The following CSNK2A2IP variants were observed in gnomAD, a reference collection of about 807,000 sequenced individuals.
The protein encoded by CSNK2A2IP is casein kinase 2 subunit alpha' interacting protein, also known as casein kinase II subunit alpha'-interacting protein.
At chr3:88,359,033 C>G in the CSNK2A2IP span, among the ~76,000 whole-genome samples, 1 of 149,020 alleles carries the variant, frequency 6.7e-6, no homozygotes, top group Admixed American at 6.7e-5. Flanking sequence ...TACACTTACG[C>G]GTGCTCTTTT....
At chr3:88,466,650 G>T in the CSNK2A2IP span, 947,754 of 1,224,450 alleles carry the variant, frequency 0.77, 371,274 homozygotes, top group East Asian at 0.94. Flanking sequence ...CTGATGATGT[G>T]GTAAATAAAA....
chr3:88,368,324 A>G, the CSNK2A2IP span, among the ~76,000 whole-genome samples: 1 of 152,030 alleles, frequency 6.6e-6, no homozygotes, highest in South Asian at 2.1e-4. Flanking sequence ...GGAAAATTGA[A>G]GTTATATAAT....
chr3:88,360,817 TGG>T, the CSNK2A2IP span, among the ~76,000 whole-genome samples: 33 of 151,546 alleles, frequency 2.2e-4, no homozygotes, highest in Non-Finnish European at 4.1e-4. Context: ...TTTAATTTTT[TGG>T]TTTTTTTTAT....
chr3:88,391,131 C>T, the CSNK2A2IP span, among the ~76,000 whole-genome samples: 1 of 151,952 alleles, frequency 6.6e-6, no homozygotes, highest in African/African-American at 2.4e-5. Flanking sequence ...AGTGAAGAGC[C>T]TATGTTTATG....
At chr3:88,342,796 G>T in the CSNK2A2IP span, among the ~76,000 whole-genome samples, 25 of 151,668 alleles carry the variant, frequency 1.6e-4, no homozygotes, top group East Asian at 3.7e-3. Flanking sequence ...TACTTTTGTA[G>T]GTTGATAATT....
At chr3:88,436,073 G>A in the CSNK2A2IP span, among the ~76,000 whole-genome samples, 2 of 151,932 alleles carry the variant, frequency 1.3e-5, no homozygotes, top group East Asian at 1.9e-4. Flanking sequence ...CAGTCATAAT[G>A]CAAGAGAAGG....
chr3:88,425,068 A>G, the CSNK2A2IP span, among the ~76,000 whole-genome samples: 1 of 152,078 alleles, frequency 6.6e-6, no homozygotes, highest in African/African-American at 2.4e-5. Flanking sequence ...ATCATTTTAG[A>G]AATGTTACTC....
the CSNK2A2IP span, among the ~76,000 whole-genome samples, chr3:88,412,492 A>G: frequency 6.6e-6 from 1 of 151,936 alleles, no homozygotes; most frequent in South Asian, 2.1e-4. Flanking sequence ...CCTGTTTTGT[A>G]ATAAGTTTCA....
At chr3:88,350,587 A>G in the CSNK2A2IP span, among the ~76,000 whole-genome samples, 1 of 98,590 alleles carries the variant, frequency 1.0e-5, no homozygotes, top group South Asian at 5.5e-4. Context: ...AATACACTAA[A>G]TTCAAAGATG....
At chr3:88,435,669 A>G in the CSNK2A2IP span, among the ~76,000 whole-genome samples, 1 of 152,130 alleles carries the variant, frequency 6.6e-6, no homozygotes, top group African/African-American at 2.4e-5. Flanking sequence ...ATACTAACTG[A>G]ACATTCTAAT....
the CSNK2A2IP span, among the ~76,000 whole-genome samples, chr3:88,362,257 G>T: frequency 3.3e-5 from 5 of 152,194 alleles, no homozygotes; most frequent in South Asian, 6.2e-4. Context: ...AGCTTTCAGA[G>T]AATTTAATAA....
At chr3:88,364,293 C>A in the CSNK2A2IP span, among the ~76,000 whole-genome samples, 1 of 151,260 alleles carries the variant, frequency 6.6e-6, no homozygotes, top group Non-Finnish European at 1.5e-5. Flanking sequence ...TTTTGGAGGG[C>A]GTATTGCTTC....
the CSNK2A2IP span, chr3:88,399,496 A>G: frequency 1.3e-5 from 2 of 152,232 alleles, no homozygotes; most frequent in African/African-American, 4.8e-5. Context: ...TTTTATGTCA[A>G]TCTTTCATTC....
chr3:88,453,613 T>G, the CSNK2A2IP span, among the ~76,000 whole-genome samples: 1 of 152,220 alleles, frequency 6.6e-6, no homozygotes, highest in South Asian at 2.1e-4. Context: ...GTTTTGATGG[T>G]TTATTGAGAA....
chr3:88,422,841 T>C, the CSNK2A2IP span, among the ~76,000 whole-genome samples: 1 of 152,228 alleles, frequency 6.6e-6, no homozygotes, highest in Non-Finnish European at 1.5e-5. Flanking sequence ...TCTTCATCTT[T>C]TAATCTTATT....
chr3:88,401,365 T>C, the CSNK2A2IP span, among the ~76,000 whole-genome samples: 1 of 152,122 alleles, frequency 6.6e-6, no homozygotes, highest in African/African-American at 2.4e-5. Context: ...TAACCTATGA[T>C]TATTTGAATA....
At chr3:88,427,845 G>A in the CSNK2A2IP span, among the ~76,000 whole-genome samples, 3 of 152,310 alleles carry the variant, frequency 2.0e-5, no homozygotes, top group South Asian at 4.1e-4. Flanking sequence ...CTAAGGCAGT[G>A]CAGAAGGGAA....
the CSNK2A2IP span, among the ~76,000 whole-genome samples, chr3:88,418,150 G>A: frequency 1.3e-5 from 2 of 152,102 alleles, no homozygotes; most frequent in Non-Finnish European, 2.9e-5. Flanking sequence ...GGTATCTTTA[G>A]GGTATTAGAT....
chr3:88,374,585 G>GA, the CSNK2A2IP span, among the ~76,000 whole-genome samples: 23 of 151,644 alleles, frequency 1.5e-4, no homozygotes, highest in Admixed American at 1.1e-3. Flanking sequence ...ATTTGCTAAT[G>GA]AAAATTGTAA....
Sources: gnomAD v4.1 joint callset for allele counts (sites outside exome capture counted in the v4.1 genomes callset) on GRCh38, gnomAD v4.1.1 for gene constraint, MANE v1.5 for transcripts, NCBI Gene and HGNC (gene_info 2026-07-23, HGNC 2026-07-21) for gene names.